Variants in RORA observed in about 807,000 individuals in gnomAD.
The protein encoded by RORA is RAR related orphan receptor A.
In RORA, 7 loss-of-function variants were observed where a neutral mutation model predicts 69.5. The observed-to-expected ratio is 0.10, with a 90% confidence interval of 0.06 to 0.19. The LOEUF is 0.19. Ranked by LOEUF, RORA falls within the 10% of genes least tolerant of loss-of-function variation. The pLI is 1.00. For missense variants in RORA, 457 were observed against 663.0 expected, an observed-to-expected ratio of 0.69 and a Z score of 3.41; for synonymous variants, 261 against 240.8, an observed-to-expected ratio of 1.08 and a Z score of -0.78.
At chr15:61,004,093 G>C (rs1172583012) in intron 1 of RORA, among the ~76,000 whole-genome samples, 1 of 152,158 alleles carries the variant, frequency 6.6e-6, no homozygotes, top group Non-Finnish European at 1.5e-5. Context: ...TCAGATCCCA[G>C]AGTGAAGGGG....
At chr15:60,770,651 G>T (rs1163134892) in intron 1 of RORA, among the ~76,000 whole-genome samples, 6 of 152,096 alleles carry the variant, frequency 3.9e-5, no homozygotes, top group African/African-American at 1.4e-4. Context: ...TCATTTTGTT[G>T]CCCAGGCTGG....
At chr15:61,108,392 AC>A (rs1414771979) in intron 1 of RORA, among the ~76,000 whole-genome samples, 1 of 152,186 alleles carries the variant, frequency 6.6e-6, no homozygotes, top group Non-Finnish European at 1.5e-5. Flanking sequence ...CAGAATTTTT[AC>A]TTTCTTCCGG....
chr15:61,177,528 G>T (rs1261538560), intron 1 of RORA, among the ~76,000 whole-genome samples: 1 of 152,066 alleles, frequency 6.6e-6, no homozygotes, highest in Admixed American at 6.6e-5. Flanking sequence ...CAGCACCAGG[G>T]CCCAGCTTCC....
chr15:60,740,166 C>T lies in RORA; in HGVS notation c.167-61480G>A, dbSNP rs1375962933. ...TACTATCAGTCCATGGCAACAAAGGCCTCTGAATTCTTTCTGTCTGTGGCT... is the reference window on the plus strand; with the variant it reads ...TACTATCAGTCCATGGCAACAAAGGTCTCTGAATTCTTTCTGTCTGTGGCT... On this transcript the variant is annotated intron_variant, in intron 1 of 10. Coordinates refer to ENST00000335670, the MANE Select transcript of RORA (RefSeq NM_134261.3). Among the ~76,000 whole-genome samples the T allele has an allele frequency of 3.3e-5, 5 of 152,034 alleles. 1 individual carries two copies. The highest frequency in any genetic ancestry group is 2.6e-4 in the Admixed American group (4 of 15,246).
At chr15:60,771,667 A>G (rs1283103300) in intron 1 of RORA, among the ~76,000 whole-genome samples, 1 of 152,230 alleles carries the variant, frequency 6.6e-6, no homozygotes, top group African/African-American at 2.4e-5. Flanking sequence ...CGAACCCCAT[A>G]CATGAACTTC....
chr15:61,160,945 C>A (rs2079489775), intron 1 of RORA, among the ~76,000 whole-genome samples: 1 of 152,110 alleles, frequency 6.6e-6, no homozygotes, highest in Non-Finnish European at 1.5e-5. Context: ...TCTATCAAAC[C>A]CACTTTGCAC....
chr15:60,959,692 C>T (rs1893361847), intron 1 of RORA, among the ~76,000 whole-genome samples: 1 of 152,104 alleles, frequency 6.6e-6, no homozygotes. Flanking sequence ...TTTAGTGGGC[C>T]ATGAAGTGTG....
chr15:60,908,808 G>A (rs779664842), intron 1 of RORA, among the ~76,000 whole-genome samples: 4 of 152,024 alleles, frequency 2.6e-5, no homozygotes, highest in Admixed American at 6.5e-5. Context: ...GAATTGAGGC[G>A]ATTATGCCCT....
At chr15:61,204,984 T>C (rs1384138392) in intron 1 of RORA, among the ~76,000 whole-genome samples, 2 of 152,260 alleles carry the variant, frequency 1.3e-5, no homozygotes, top group Non-Finnish European at 2.9e-5. Context: ...TTCAATGTGC[T>C]GGTCGGCACC....
chr15:60,762,199 T>C (rs184736492), intron 1 of RORA, among the ~76,000 whole-genome samples: 270 of 152,350 alleles, frequency 1.8e-3, no homozygotes, highest in African/African-American at 6.3e-3. Context: ...CAACAAAGAA[T>C]GGAATTTCTA....
intron 2 of RORA, among the ~76,000 whole-genome samples, chr15:60,617,489 A>G (rs1372766985): frequency 6.6e-6 from 1 of 152,132 alleles, no homozygotes; most frequent in South Asian, 2.1e-4. Flanking sequence ...CTTGGAGAAC[A>G]TCCTATCCAT....
At chr15:60,803,917 T>G (rs2072621945) in intron 1 of RORA, among the ~76,000 whole-genome samples, 1 of 152,160 alleles carries the variant, frequency 6.6e-6, no homozygotes, top group African/African-American at 2.4e-5. Context: ...ATCTCCACTC[T>G]ATATTTTCTC....
chr15:60,900,118 C>T lies in RORA; in HGVS notation c.167-221432G>A, dbSNP rs549843023. ...ACACATCCTCACAACCATAATACAA[C>T]TGGCATCATTTGGCGCTTTTTGACT... is the stretch of plus-strand genomic sequence containing the variant. On this transcript the variant is annotated intron_variant, in intron 1 of 10. Coordinates refer to ENST00000335670, the MANE Select transcript of RORA (RefSeq NM_134261.3). Among the ~76,000 whole-genome samples the T allele has an allele frequency of 5.3e-5, 8 of 152,318 alleles. No homozygotes were observed. The South Asian group carries it at 8.3e-4, about 16-fold the overall frequency.
At chr15:60,653,475 C>G (rs2070176206) in intron 2 of RORA, among the ~76,000 whole-genome samples, 1 of 152,178 alleles carries the variant, frequency 6.6e-6, no homozygotes, top group Non-Finnish European at 1.5e-5. Context: ...GCCTAGGGCT[C>G]CCGTCCTCAC....
At chr15:60,514,787 G>A (rs2065810141) in intron 3 of RORA, 30 bp from the exon 4 acceptor site, 1 of 1,600,498 alleles carries the variant, frequency 6.2e-7, no homozygotes, top group African/African-American at 1.3e-5. Context: ...TATAAAACAG[G>A]TTAGTGTCAG....
Position 60,518,914 on chromosome 15 carries a change from T to G in RORA, c.283-4157A>C, listed in dbSNP as rs376170098. On this transcript the variant is annotated intron_variant, in intron 3 of 10. Coordinates refer to ENST00000335670, the MANE Select transcript of RORA (RefSeq NM_134261.3). Reference sequence around the variant, plus strand: ...GTCGTTTTGCTTTCCTCGTTTCAGTTACTTGCGTCAACTGCAGTAAAAGAA... The same window carrying G: ...GTCGTTTTGCTTTCCTCGTTTCAGTGACTTGCGTCAACTGCAGTAAAAGAA... Among the ~76,000 whole-genome samples, 398 of 152,354 alleles carry G rather than the reference T, an allele frequency of 2.6e-3. 3 individuals carry two copies. The highest frequency in any genetic ancestry group is 0.024 in the Middle Eastern group (7 of 294).
rs544056874 is a variant in RORA at position 60,995,082 on chromosome 15, A to G, written c.166+233971T>C. On this transcript the variant is annotated intron_variant, in intron 1 of 10. Coordinates refer to ENST00000335670, the MANE Select transcript of RORA (RefSeq NM_134261.3). ...GATTGTTATAAAAAGATTTTTAAAA[A>G]AAGAAGAAGAAGAAGAAAGAGGCAT... Among the ~76,000 whole-genome samples the G allele has an allele frequency of 5.9e-5, 9 of 152,344 alleles. No homozygotes were observed. In the East Asian group the frequency reaches 7.7e-4, roughly 13 times the overall value.
intron 1 of RORA, among the ~76,000 whole-genome samples, chr15:60,825,904 T>C (rs1347587862): frequency 6.6e-6 from 1 of 152,222 alleles, no homozygotes; most frequent in African/African-American, 2.4e-5. Context: ...TCTCCCCTTC[T>C]TCCTATCACA....
intron 5 of RORA, among the ~76,000 whole-genome samples, chr15:60,507,473 T>A (rs930835763): frequency 6.6e-6 from 1 of 151,896 alleles, no homozygotes; most frequent in Non-Finnish European, 1.5e-5. Context: ...TGGCAACACA[T>A]AGACACTAAA....
Sources: allele counts gnomAD v4.1 joint callset (sites outside exome capture counted in the v4.1 genomes callset), GRCh38; gene constraint gnomAD v4.1.1; transcripts MANE v1.5; gene names NCBI Gene and HGNC (gene_info 2026-07-23, HGNC 2026-07-21).